The following SCN1A variants were observed in gnomAD, a reference collection of about 807,000 sequenced individuals.
The protein encoded by SCN1A is sodium voltage-gated channel alpha subunit 1, also known as sodium channel protein type 1 subunit alpha.
SCN1A carries 13 observed loss-of-function variants against 193.7 expected under a neutral mutation model. That is an observed-to-expected ratio of 0.07 (90% CI 0.04 to 0.11). The LOEUF (loss-of-function observed/expected upper bound fraction) is 0.11, where lower values mean the gene tolerates loss of function less well. SCN1A is among the 10% of genes least tolerant of loss of function. The probability of loss-of-function intolerance (pLI) is 1.00; values close to 1 mark genes in which losing one functional copy is unlikely to be tolerated. For missense variants in SCN1A, 1,432 were observed against 2,451.1 expected (o/e 0.58, Z 8.78); for synonymous variants, 781 against 843.6 (o/e 0.93, Z 1.29).
chr2:166,107,788 A>G (rs574983165), intron 2 of SCN1A, among the ~76,000 whole-genome samples: 260 of 152,274 alleles, frequency 1.7e-3, no homozygotes, highest in Non-Finnish European at 2.8e-3. Context: ...ACTGTGGATA[A>G]CAATGTACAA....
chr2:166,123,223 CAAAAAAAAAAAAAAAAAAAAAAAAAA>C (rs57488795), intron 2 of SCN1A, among the ~76,000 whole-genome samples: 4 of 116,412 alleles, frequency 3.4e-5, no homozygotes, highest in African/African-American at 3.5e-5. Context: ...CATTCATTTG[CAAAAAAAAAAAAAAAAAAAAAAAAAA>C]AAAAAAAAAA....
chr2:166,140,992 C>T (rs7562646), intron 1 of SCN1A, among the ~76,000 whole-genome samples: 122,807 of 152,034 alleles, frequency 0.81, 50,210 homozygotes, highest in African/African-American at 0.94. Context: ...ACAAGATTTC[C>T]CCAGGTGATT....
At chr2:166,080,054 A>C (rs1685349011) in intron 2 of SCN1A, among the ~76,000 whole-genome samples, 1 of 151,614 alleles carries the variant, frequency 6.6e-6, no homozygotes, top group Non-Finnish European at 1.5e-5. Context: ...GTAATATGAA[A>C]AATTGTTCTA....
chr2:166,019,996 C>T (rs915926449), intron 19 of SCN1A, among the ~76,000 whole-genome samples: 2 of 151,542 alleles, frequency 1.3e-5, no homozygotes, highest in Non-Finnish European at 2.9e-5. Flanking sequence ...CTGCAAGCTC[C>T]GCCTCCCAGG....
chr2:166,047,978 A>G (rs1382458744), intron 10 of SCN1A, among the ~76,000 whole-genome samples: 1 of 152,124 alleles, frequency 6.6e-6, no homozygotes, highest in East Asian at 1.9e-4. Flanking sequence ...CATTTCTAAT[A>G]ATATTTTACA....
intron 2 of SCN1A, chr2:166,081,678 G>A (rs1250717069): frequency 6.6e-6 from 1 of 151,530 alleles, no homozygotes; most frequent in East Asian, 1.9e-4. Flanking sequence ...CCATAACTAA[G>A]GTAATGTCTT....
intron 2 of SCN1A, among the ~76,000 whole-genome samples, chr2:166,098,690 A>C (rs1308595650): frequency 6.6e-6 from 1 of 152,202 alleles, no homozygotes; most frequent in Non-Finnish European, 1.5e-5. Context: ...ATGTACAAAA[A>C]TCAGTAGCAT....
intron 9 of SCN1A, 40 bp from the exon 10 acceptor site, chr2:166,048,989 T>A: frequency 8.0e-7 from 1 of 1,247,386 alleles, no homozygotes; most frequent in East Asian, 2.3e-5. Context: ...ACATTTGCAT[T>A]GTTAAAAACA....
chr2:166,033,822 T>C (rs983214962), intron 19 of SCN1A, among the ~76,000 whole-genome samples: 15 of 151,126 alleles, frequency 9.9e-5, no homozygotes, highest in Non-Finnish European at 1.9e-4. Flanking sequence ...ATGGTCTTTG[T>C]AAAATAGTCT....
rs904484109 is a variant in SCN1A, at chr2:166,027,260, A to G, written c.3429+8788T>C. On this transcript the variant is annotated intron_variant, in intron 19 of 28. Transcript: ENST00000674923. Reference sequence around the variant, plus strand: ...AGCAGTTTTCCTCCGCAGTGGATTTATGCAAATTTCTTGTTTTTTAACAAT... The same window carrying G: ...AGCAGTTTTCCTCCGCAGTGGATTTGTGCAAATTTCTTGTTTTTTAACAAT... 4 of 152,284 alleles carry G rather than the reference A, an allele frequency of 2.6e-5. No homozygotes were observed. In the East Asian group the frequency reaches 7.7e-4, roughly 29 times the overall value. 9.4% of individuals were successfully genotyped at this position (152,284 alleles called of 1,614,324 possible).
chr2:165,997,348 C>G (rs1391417097), intron 26 of SCN1A, among the ~76,000 whole-genome samples: 1 of 151,058 alleles, frequency 6.6e-6, no homozygotes, highest in Non-Finnish European at 1.5e-5. Context: ...ATAAAAAGTA[C>G]AACAATAAGA....
chr2:166,068,985 T>C (rs1419028058), intron 4 of SCN1A, among the ~76,000 whole-genome samples: 19 of 152,040 alleles, frequency 1.2e-4, no homozygotes, highest in Admixed American at 1.2e-3. Context: ...ACATTTTCTG[T>C]AATAAAGAGT....
At position 165,991,261 on chromosome 2, in the gene SCN1A, T is replaced by TTTTCA. The variant is rs1553519690; in HGVS notation, c.6009_6013dup (p.Lys2005MetfsTer9). 1.9e-6 allele frequency: 3 copies of TTTTCA among 1,613,384 alleles called. No individual in the cohort carries two copies. Among genetic ancestry groups the TTTTCA allele is most frequent in the Non-Finnish European group, 1.7e-6 (2 of 1,179,680 alleles). ...TATTTTCATTTATTTCCCTTTGGCT[T>TTTTCA]TTTCATCTTTGCCTTCTTGCTCATG... is the stretch of plus-strand genomic sequence containing the variant. On this transcript the variant is annotated frameshift_variant, in exon 29 of 29. Transcript: ENST00000674923. LOFTEE classifies it high-confidence loss of function.
At chr2:166,058,441 C>A in intron 5 of SCN1A, 129 bp downstream of exon 5, 1 of 578,076 alleles carries the variant, frequency 1.7e-6, no homozygotes, top group Non-Finnish European at 3.1e-6. Context: ...GCTAATATGA[C>A]AAAGATGCAA....
intron 2 of SCN1A, among the ~76,000 whole-genome samples, chr2:166,123,771 T>C (rs1279402829): frequency 6.6e-6 from 1 of 152,212 alleles, no homozygotes; most frequent in African/African-American, 2.4e-5. Flanking sequence ...GACATAACTC[T>C]TTGATTTGTT....
intron 23 of SCN1A, among the ~76,000 whole-genome samples, chr2:166,006,934 A>C (rs1691745579): frequency 6.6e-6 from 1 of 151,210 alleles, no homozygotes; most frequent in African/African-American, 2.4e-5. Context: ...CGCCCTCACC[A>C]ATCCAGTAAT....
Position 166,013,891 on chromosome 2 carries a change from T to C in SCN1A, c.3558A>G (p.Val1186=). The C allele has an allele frequency of 6.2e-7, 1 of 1,611,560 alleles. No individual in the cohort carries two copies. Among genetic ancestry groups the C allele is most frequent in the Non-Finnish European group, 8.5e-7 (1 of 1,178,390 alleles). Residue 1186 remains valine (V), a synonymous_variant, in exon 21 of 29, where the codon GTA becomes GTG. Coordinates refer to ENST00000674923, the MANE Select transcript of SCN1A (RefSeq NM_001165963.4). ...TGATTTGACAACACTTGAATCTTTGTACACAGCCTGCAGAAAGTGTTGAAA... is the reference window on the plus strand; with the variant it reads ...TGATTTGACAACACTTGAATCTTTGCACACAGCCTGCAGAAAGTGTTGAAA... ...EPEACFTEGC[V]QRFKCCQINV...
rs1470134708 is a variant in SCN1A at position 165,986,510 on chromosome 2, G to A, written c.*4735C>T. ...GTGATTATTATGAAGAACAAGGAAT[G>A]TAATCATTTCTGTGACTTTTCAGGA... On this transcript the variant is annotated 3_prime_UTR_variant, in exon 29 of 29. Transcript: ENST00000674923. The A allele has an allele frequency of 6.6e-6, 1 of 152,034 alleles. No homozygotes were observed. Among genetic ancestry groups the A allele is most frequent in the Non-Finnish European group, 1.5e-5 (1 of 68,000 alleles). 9.4% of individuals were successfully genotyped at this position (152,034 alleles called of 1,614,324 possible).
At chr2:166,124,011 C>T (rs571246) in intron 2 of SCN1A, among the ~76,000 whole-genome samples, 141,455 of 152,230 alleles carry the variant, frequency 0.93, 66,027 homozygotes, top group East Asian at 0.98. Context: ...TTCTCCACCT[C>T]TTTCATTATT....
Sources: gnomAD v4.1 joint callset for allele counts (sites outside exome capture counted in the v4.1 genomes callset) on GRCh38, gnomAD v4.1.1 for gene constraint, MANE v1.5 for transcripts, NCBI Gene and HGNC (gene_info 2026-07-23, HGNC 2026-07-21) for gene names.